The following MTERF2 variants were observed in gnomAD, a reference collection of about 807,000 sequenced individuals.
MTERF2 encodes transcription termination factor 2, mitochondrial.
Under a neutral mutation model 29.2 loss-of-function variants are expected in MTERF2, and 23 were observed. That is an observed-to-expected ratio of 0.79 (90% confidence interval 0.57 to 1.12). The LOEUF is 1.12. MTERF2 is among the 50% of genes most tolerant of loss of function. MTERF2 has a pLI of 0.00. For missense variants in MTERF2, 440 were observed against 429.4 expected, an observed-to-expected ratio of 1.02 and a Z score of -0.22; for synonymous variants, 157 against 159.5, an observed-to-expected ratio of 0.98 and a Z score of 0.12.
chr12:106,981,061 C>T (rs1031551267), intron 2 of MTERF2, among the ~76,000 whole-genome samples: 3 of 152,194 alleles, frequency 2.0e-5, no homozygotes, highest in East Asian at 1.9e-4. Context: ...AAGGAGGCGG[C>T]GCAGCATGAT....
At chr12:106,981,288 CTATT>C (rs1952049465) in intron 2 of MTERF2, among the ~76,000 whole-genome samples, 1 of 152,182 alleles carries the variant, frequency 6.6e-6, no homozygotes. Context: ...CTCACACTAA[CTATT>C]CAATGAGTAT....
chr12:106,980,524 T>C (rs1427626221), intron 2 of MTERF2: 1 of 152,198 alleles, frequency 6.6e-6, no homozygotes, highest in African/African-American at 2.4e-5. Flanking sequence ...CAGGTGCCTT[T>C]AATTCAAAAT....
chr12:106,982,841 T>C (rs1235695366), intron 2 of MTERF2, among the ~76,000 whole-genome samples: 1 of 152,230 alleles, frequency 6.6e-6, no homozygotes, highest in Non-Finnish European at 1.5e-5. Context: ...TCAGTTGACA[T>C]TCTCACAGGC....
rs1419436455 is a variant in MTERF2, at chr12:106,978,217, A to C, written c.498T>G (p.Ile166Met). Residue 166 changes from isoleucine (I) to methionine (M), a missense_variant, in exon 3 of 3, where the codon ATT becomes ATG. By Grantham distance (10) the Ile-to-Met change is conservative. Transcript: ENST00000240050. ...TAGGTGCAGCTGTCAAAAGTCTGCT[A>C]ATGACCACATTTTTTAGTCCCAACT... ...FQELGLKNVV[I>M]SRLLTAAPNV... is the part of the protein sequence containing the mutation. The C allele has an allele frequency of 6.2e-7, 1 of 1,613,814 alleles. No homozygotes were observed. The highest frequency in any genetic ancestry group is 8.5e-7 in the Non-Finnish European group (1 of 1,179,990).
chr12:106,981,896 A>G (rs1194078655), intron 2 of MTERF2, among the ~76,000 whole-genome samples: 6 of 152,322 alleles, frequency 3.9e-5, no homozygotes, highest in African/African-American at 1.4e-4. Flanking sequence ...ATGTGGAAAA[A>G]TTGCCAACTT....
chr12:106,977,480 A>G lies in MTERF2; in HGVS notation c.*77T>C. The G allele has an allele frequency of 1.4e-6, 2 of 1,397,978 alleles. No homozygotes were observed. Among genetic ancestry groups the G allele is most frequent in the Non-Finnish European group, 1.9e-6 (2 of 1,028,932 alleles). 86.6% of individuals were successfully genotyped at this position (1,397,978 alleles called of 1,614,324 possible). On this transcript the variant is annotated 3_prime_UTR_variant, in exon 3 of 3. Transcript: ENST00000240050. ...CAGGTTCTTAAAATTACTGGTGTCT[A>G]CAAACTGCCTGAATTTTTGTCTTTG...
chr12:106,986,613 G>A (rs1170788861), intron 1 of MTERF2: 1 of 152,236 alleles, frequency 6.6e-6, no homozygotes, highest in African/African-American at 2.4e-5. Context: ...GTTCTAGGAT[G>A]CTTGTTTCTT....
At chr12:106,981,411 A>G (rs919937003) in intron 2 of MTERF2, among the ~76,000 whole-genome samples, 1 of 152,232 alleles carries the variant, frequency 6.6e-6, no homozygotes, top group Admixed American at 6.5e-5. Flanking sequence ...GTACAGAGTA[A>G]AATTTCTGGA....
intron 2 of MTERF2, chr12:106,980,842 G>C (rs1952045292): frequency 6.6e-6 from 1 of 152,136 alleles, no homozygotes; most frequent in South Asian, 2.1e-4. Flanking sequence ...ATTCTGTTAG[G>C]AAAGTTAGGT....
At position 106,977,577 on chromosome 12, in the gene MTERF2, G is replaced by T. The variant is rs376825343; in HGVS notation, c.1138C>A (p.Pro380Thr). 15 of 1,610,870 alleles carry T rather than the reference G, an allele frequency of 9.3e-6. No individual in the cohort carries two copies. Among genetic ancestry groups the T allele is most frequent in the African/African-American group, 1.3e-5 (1 of 74,742 alleles). Residue 380 changes from proline (P) to threonine (T), a missense_variant, in exon 3 of 3, where the codon CCA becomes ACA. Transcript: ENST00000240050. ...KVRPLFNPVA[P>T]LNVEE Reference sequence around the variant, plus strand: ...GTATGTCATTCTTCAACATTTAATGGTGCCACAGGGTTAAATAATGGCCTT... The same window carrying T: ...GTATGTCATTCTTCAACATTTAATGTTGCCACAGGGTTAAATAATGGCCTT...
chr12:106,980,142 C>T (rs1457458751), intron 2 of MTERF2, among the ~76,000 whole-genome samples: 2 of 152,128 alleles, frequency 1.3e-5, no homozygotes, highest in African/African-American at 4.8e-5. Flanking sequence ...GTGATCTGCC[C>T]GTCTCGGCCT....
At chr12:106,984,201 G>A (rs927413254) in intron 2 of MTERF2, among the ~76,000 whole-genome samples, 3 of 152,134 alleles carry the variant, frequency 2.0e-5, no homozygotes, top group Admixed American at 1.3e-4. Flanking sequence ...TCCTTCAGGT[G>A]TATCCTCCTC....
chr12:106,978,420 C>T lies in MTERF2; in HGVS notation c.295G>A (p.Glu99Lys). 6.2e-7 allele frequency: 1 copy of T among 1,614,204 alleles called. No homozygotes were observed. The highest frequency in any genetic ancestry group is 1.1e-5 in the South Asian group (1 of 91,088). Residue 99 changes from glutamate (E) to lysine (K), a missense_variant, in exon 3 of 3, where the codon GAA (glutamate) becomes AAA (lysine). Physicochemically the swap from Glu to Lys is moderately conservative, Grantham distance 56 (BLOSUM62 1). Transcript: ENST00000240050. ...ADETAVASIL[E>K]RCPEAIVCSP... ...CAGACAATTGCTTCCGGGCAGCGTTCCAAAATACTGGCTACAGCAGTCTCA... is the reference window on the plus strand; with the variant it reads ...CAGACAATTGCTTCCGGGCAGCGTTTCAAAATACTGGCTACAGCAGTCTCA...
In MTERF2 at chr12:106,978,442, C is replaced by CT; in HGVS notation, c.272dup (p.Thr92AspfsTer17). On this transcript the variant is annotated frameshift_variant, in exon 3 of 3. Transcript: ENST00000240050. LOFTEE classifies it high-confidence loss of function. ...GTTCCAAAATACTGGCTACAGCAGT[C>CT]TCATCGGCACCTAGTTCTTGTAAAA... 6.2e-7 allele frequency: 1 copy of CT among 1,614,232 alleles called. No homozygotes were observed. Among genetic ancestry groups the CT allele is most frequent in the Non-Finnish European group, 8.5e-7 (1 of 1,180,038 alleles).
chr12:106,978,119 C>T lies in MTERF2; in HGVS notation c.596G>A (p.Gly199Asp), dbSNP rs1224776647. ...RILQESYLDV[G>D]GSEANMKVWL... ...AACTTTCATGTTGGCCTCAGAGCCACCTACATCTAGATAACTCTCTTGGAG... is the reference window on the plus strand; with the variant it reads ...AACTTTCATGTTGGCCTCAGAGCCATCTACATCTAGATAACTCTCTTGGAG... The change falls in exon 3 of 3, where the codon GGT becomes GAT. Residue 199 changes from glycine to aspartate, a missense_variant. Transcript: ENST00000240050. The T allele has an allele frequency of 6.2e-7, 1 of 1,614,104 alleles. No individual in the cohort carries two copies. The highest frequency in any genetic ancestry group is 8.5e-7 in the Non-Finnish European group (1 of 1,180,010).
In MTERF2 at chr12:106,977,431, C is replaced by T; in HGVS notation, c.*126G>A. ...TCAGAATTTATCTATTTAGAGATAACTTAAATACAACACAGAAGCTAAGCA... is the reference window on the plus strand; with the variant it reads ...TCAGAATTTATCTATTTAGAGATAATTTAAATACAACACAGAAGCTAAGCA... On this transcript the variant is annotated 3_prime_UTR_variant, in exon 3 of 3. Transcript: ENST00000240050. 2 of 707,486 alleles carry T rather than the reference C, an allele frequency of 2.8e-6. No homozygotes were observed. The highest frequency in any genetic ancestry group is 2.1e-5 in the South Asian group (1 of 46,792). The allele number at this position is 707,486 out of a possible 1,614,324, so 43.8% of individuals were successfully genotyped here. A position where few individuals can be genotyped will look rare whatever the true frequency, so the allele number is the denominator to read the frequency against.
chr12:106,978,131 T>G lies in MTERF2; in HGVS notation c.584A>C (p.Tyr195Ser), dbSNP rs753626538. The G allele has an allele frequency of 6.2e-7, 1 of 1,614,042 alleles. No homozygotes were observed. The highest frequency in any genetic ancestry group is 1.3e-5 in the African/African-American group (1 of 74,938). ...KQMVRILQES[Y>S]LDVGGSEANM... The stretch of plus-strand genomic sequence containing the variant: ...GGCCTCAGAGCCACCTACATCTAGA[T>G]AACTCTCTTGGAGAATTCTTACCAT... Residue 195 changes from tyrosine (Y) to serine (S), a missense_variant, in exon 3 of 3, where the codon TAT becomes TCT. Tyr to Ser is a moderately radical substitution (Grantham distance 144, BLOSUM62 -2). Coordinates refer to ENST00000240050, the MANE Select transcript of MTERF2 (RefSeq NM_001033050.3).
chr12:106,979,451 C>A (rs1952029062), intron 2 of MTERF2, among the ~76,000 whole-genome samples: 1 of 152,106 alleles, frequency 6.6e-6, no homozygotes. Flanking sequence ...GAGCAAAACT[C>A]CCTTTTATAA....
intron 2 of MTERF2, among the ~76,000 whole-genome samples, chr12:106,981,564 T>C (rs1952051988): frequency 6.6e-6 from 1 of 152,208 alleles, no homozygotes. Flanking sequence ...TCACCCAGGC[T>C]GGACGGAGTA....
Sources: gnomAD v4.1 joint callset for allele counts (sites outside exome capture counted in the v4.1 genomes callset) on GRCh38, gnomAD v4.1.1 for gene constraint, MANE v1.5 for transcripts, NCBI Gene and HGNC (gene_info 2026-07-23, HGNC 2026-07-21) for gene names.